Variants in SH3PXD2A observed in about 807,000 individuals in gnomAD.
The protein encoded by SH3PXD2A is SH3 and PX domains 2A.
SH3PXD2A carries 32 observed loss-of-function variants against 115.2 expected under a neutral mutation model. The observed-to-expected ratio is 0.28, with a 90% confidence interval of 0.21 to 0.37. The LOEUF (loss-of-function observed/expected upper bound fraction) is 0.37. SH3PXD2A is among the 10% of genes least tolerant of loss of function. The pLI is 1.00. For missense variants in SH3PXD2A, 1,328 were observed against 1,498.7 expected (o/e 0.89, Z 1.88); for synonymous variants, 610 against 629.1 (o/e 0.97, Z 0.45).
chr10:103,617,451 CAGGGG>C (rs2036536792), intron 10 of SH3PXD2A, 137 bp from the exon 11 acceptor site: 2 of 649,878 alleles, frequency 3.1e-6, no homozygotes, highest in Admixed American at 2.4e-5. Context: ...CTGGCTTCTC[CAGGGG>C]AGGGAAGGAC....
chr10:103,742,956 T>TA (rs1564878148), intron 3 of SH3PXD2A, among the ~76,000 whole-genome samples: 1 of 151,798 alleles, frequency 6.6e-6, no homozygotes, highest in East Asian at 1.9e-4. Context: ...CCTCCCCCCC[T>TA]CAAGGGTGAC....
In SH3PXD2A at chr10:103,825,762, A is replaced by T. The variant is rs933113286; in HGVS notation, c.73-24400T>A. 8.3e-4 allele frequency among the ~76,000 whole-genome samples: 110 copies of T among 132,430 alleles called. 1 individual carries two copies. The East Asian group carries it at 8.8e-3, about 11-fold the overall frequency. The allele number at this position is 132,430 out of a possible 152,430, so 86.9% of individuals were successfully genotyped here. A position where few individuals can be genotyped will look rare whatever the true frequency, so the allele number is the denominator to read the frequency against. On this transcript the variant is annotated intron_variant, in intron 1 of 14. Transcript: ENST00000369774. ...GGGTAAAACACAGCATCCGTAACAA[A>T]TTTTTTTTTTTTTTTTTTTGAGACG... is the stretch of plus-strand genomic sequence containing the variant.
intron 8 of SH3PXD2A, among the ~76,000 whole-genome samples, chr10:103,643,775 C>T (rs1195456488): frequency 6.6e-6 from 1 of 152,170 alleles, no homozygotes; most frequent in African/African-American, 2.4e-5. Context: ...GACCCACTCT[C>T]GGGGAACCAC....
chr10:103,711,415 G>A (rs2038045176), intron 5 of SH3PXD2A, among the ~76,000 whole-genome samples: 1 of 152,140 alleles, frequency 6.6e-6, no homozygotes, highest in Admixed American at 6.5e-5. Context: ...CCTGGGGTTG[G>A]GGATGAAGTT....
intron 13 of SH3PXD2A, among the ~76,000 whole-genome samples, chr10:103,606,219 C>CATT (rs200751501): frequency 7.4e-6 from 1 of 135,420 alleles, no homozygotes; most frequent in Non-Finnish European, 1.6e-5. Context: ...TCATCATCAT[C>CATT]ATTACTCTGA....
At chr10:103,833,365 A>C (rs576334593) in intron 1 of SH3PXD2A, among the ~76,000 whole-genome samples, 6 of 152,174 alleles carry the variant, frequency 3.9e-5, no homozygotes, top group Non-Finnish European at 5.9e-5. Flanking sequence ...ATTAAATGTG[A>C]ACTGACCCAT....
rs369017802 is a variant in SH3PXD2A at position 103,620,717 on chromosome 10, A to AAG, written c.802+1751_802+1752dup. Among the ~76,000 whole-genome samples the AAG allele has an allele frequency of 2.3e-3, 347 of 149,310 alleles. No individual in the cohort carries two copies. The highest frequency in any genetic ancestry group is 6.1e-3 in the African/African-American group (248 of 40,894). On this transcript the variant is annotated intron_variant, in intron 10 of 14. Transcript: ENST00000369774. The surrounding 1 kb of genome is among the most constrained non-coding windows in gnomAD (Gnocchi z 5.3). ...ATTATGTTGTTTAGGTCTCTTATTT[A>AAG]AGAGAGAGAGAGAGAGAGAGCAAGA...
At chr10:103,803,832 A>G (rs2039170433) in intron 1 of SH3PXD2A, among the ~76,000 whole-genome samples, 1 of 152,244 alleles carries the variant, frequency 6.6e-6, no homozygotes. Context: ...CATGTGCCCA[A>G]GGTGGATGGG....
At chr10:103,779,882 T>C (rs917060017) in intron 2 of SH3PXD2A, among the ~76,000 whole-genome samples, 1 of 152,174 alleles carries the variant, frequency 6.6e-6, no homozygotes, top group Non-Finnish European at 1.5e-5. Context: ...CAAAGCTGCC[T>C]GACACTTTTC....
chr10:103,643,883 G>A (rs991191032), intron 8 of SH3PXD2A, among the ~76,000 whole-genome samples: 3 of 151,916 alleles, frequency 2.0e-5, no homozygotes, highest in Non-Finnish European at 4.4e-5. Context: ...AGGCCGAGGC[G>A]GGCGGATCAC....
chr10:103,678,058 A>T (rs542427090), intron 6 of SH3PXD2A: 18 of 1,206,288 alleles, frequency 1.5e-5, no homozygotes, highest in Non-Finnish European at 1.8e-5. Flanking sequence ...AATGCCCTTC[A>T]AAGAGATTTT....
intron 1 of SH3PXD2A, among the ~76,000 whole-genome samples, chr10:103,849,585 T>C (rs1323753441): frequency 1.3e-5 from 2 of 152,300 alleles, no homozygotes; most frequent in African/African-American, 4.8e-5. Context: ...CCTTCACAGC[T>C]AGGCTCCTGA....
At chr10:103,789,373 G>T (rs2039011854) in intron 2 of SH3PXD2A, among the ~76,000 whole-genome samples, 1 of 152,176 alleles carries the variant, frequency 6.6e-6, no homozygotes, top group African/African-American at 2.4e-5. Context: ...TTTCACCCAG[G>T]ATGACTCTGG....
At chr10:103,791,792 T>C (rs1030195405) in intron 2 of SH3PXD2A, among the ~76,000 whole-genome samples, 2 of 151,946 alleles carry the variant, frequency 1.3e-5, no homozygotes, top group Admixed American at 6.6e-5. Context: ...GCAAACTCCA[T>C]CTGCTTAAAG....
chr10:103,816,701 T>A lies in SH3PXD2A; in HGVS notation c.73-15339A>T, dbSNP rs750371709. Among the ~76,000 whole-genome samples, 4 of 152,342 alleles carry A rather than the reference T, an allele frequency of 2.6e-5. No homozygotes were observed. In the East Asian group the frequency reaches 7.7e-4, roughly 29 times the overall value. On this transcript the variant is annotated intron_variant, in intron 1 of 14. Transcript: ENST00000369774. Reference sequence around the variant, plus strand: ...ACTTACATCCACACAAAAACTTGTATGCAAATGTTCGTAGCAGCATTATAT... The same window carrying A: ...ACTTACATCCACACAAAAACTTGTAAGCAAATGTTCGTAGCAGCATTATAT...
chr10:103,801,477 C>A, intron 1 of SH3PXD2A, 115 bp from the exon 2 acceptor site: 1 of 660,734 alleles, frequency 1.5e-6, no homozygotes, highest in Non-Finnish European at 2.8e-6. Context: ...TTTTACTCAT[C>A]TCATCTGTCC....
intron 9 of SH3PXD2A, among the ~76,000 whole-genome samples, chr10:103,624,143 G>T (rs1391479746): frequency 6.6e-6 from 1 of 152,228 alleles, no homozygotes; most frequent in Admixed American, 6.5e-5. Context: ...TGCACCCCGA[G>T]CTATTGCTGT....
intron 1 of SH3PXD2A, among the ~76,000 whole-genome samples, chr10:103,815,647 C>T (rs994308935): frequency 3.3e-5 from 5 of 151,578 alleles, no homozygotes; most frequent in South Asian, 2.1e-4. Context: ...TCCCAGCACT[C>T]GGGGAGGCCG....
chr10:103,739,465 G>C (rs886921565), intron 3 of SH3PXD2A, among the ~76,000 whole-genome samples: 2 of 152,178 alleles, frequency 1.3e-5, no homozygotes, highest in African/African-American at 4.8e-5. Context: ...GAGAGGGAGG[G>C]AGAGAGGGAG....
Sources: allele counts gnomAD v4.1 joint callset (sites outside exome capture counted in the v4.1 genomes callset), GRCh38; gene constraint gnomAD v4.1.1; non-coding constraint Gnocchi (gnomAD v3.1); transcripts MANE v1.5; gene names NCBI Gene and HGNC (gene_info 2026-07-23, HGNC 2026-07-21).